The following PROM1 variants were observed in gnomAD, a reference collection of about 807,000 sequenced individuals.
PROM1 encodes prominin 1.
In PROM1, 105 loss-of-function variants were observed where a neutral mutation model predicts 116.9. The observed-to-expected ratio is 0.90, with a 90% CI of 0.77 to 1.06. The LOEUF (loss-of-function observed/expected upper bound fraction) is 1.06. Among genes scored for constraint, PROM1 ranks in the 50% least tolerant of loss-of-function variants. The pLI is 0.00. For missense variants in PROM1, 1,122 were observed against 1,045.2 expected (o/e 1.07, Z -1.01); for synonymous variants, 393 against 387.0 (o/e 1.02, Z -0.18).
At chr4:15,989,865 C>T in intron 18 of PROM1, 41 bp from the exon 19 acceptor site, 3 of 1,478,392 alleles carry the variant, frequency 2.0e-6, no homozygotes, top group Non-Finnish European at 2.8e-6. Context: ...ACCATCTTTC[C>T]AGACTCAAAG....
chr4:16,050,813 C>T (rs572067455), intron 2 of PROM1, among the ~76,000 whole-genome samples: 1 of 152,308 alleles, frequency 6.6e-6, no homozygotes, highest in East Asian at 1.9e-4. Context: ...TTTCCATGAA[C>T]GTTTTGAAAT....
intron 2 of PROM1, among the ~76,000 whole-genome samples, chr4:16,051,529 C>T (rs1475848806): frequency 6.6e-6 from 1 of 152,190 alleles, no homozygotes; most frequent in Non-Finnish European, 1.5e-5. Flanking sequence ...GCCAAGCCCT[C>T]TCTGAGCACG....
chr4:16,024,950 G>A (rs1044760222), intron 6 of PROM1, among the ~76,000 whole-genome samples: 10 of 152,116 alleles, frequency 6.6e-5, no homozygotes, highest in African/African-American at 2.2e-4. Flanking sequence ...TCTATAATAT[G>A]TACTGTAATG....
chr4:16,076,141 CAG>C (rs1425374553), intron 1 of PROM1, 23 bp from the exon 2 acceptor site: 10 of 782,150 alleles, frequency 1.3e-5, no homozygotes, highest in East Asian at 2.9e-5. Context: ...GAAACAGCAG[CAG>C]AGTCATCAAT....
chr4:16,063,185 A>G (rs1404872778), intron 2 of PROM1, among the ~76,000 whole-genome samples: 1 of 152,242 alleles, frequency 6.6e-6, no homozygotes, highest in African/African-American at 2.4e-5. Context: ...AGAACACCAT[A>G]AAGGTGCAAC....
At chr4:15,980,373 G>T in intron 24 of PROM1, 49 bp downstream of exon 24, 1 of 1,227,698 alleles carries the variant, frequency 8.1e-7, no homozygotes, top group Non-Finnish European at 1.2e-6. Context: ...TTTGAAGACA[G>T]CACCACCTAG....
chr4:15,980,682 G>A lies in PROM1; in HGVS notation c.2374-145C>T, dbSNP rs1364989255. The A allele has an allele frequency of 6.3e-6, 4 of 633,442 alleles. No homozygotes were observed. The African/African-American group carries it at 7.8e-5, about 12-fold the overall frequency. 39.2% of individuals were successfully genotyped at this position (633,442 alleles called of 1,614,324 possible). A position where few individuals can be genotyped will look rare whatever the true frequency, so the allele number is the denominator to read the frequency against. ...TTGTTCTTTAAAACAATTTGAGAATGTCATGTGGACCAGGCACTGTGTGAA... is the reference window on the plus strand; with the variant it reads ...TTGTTCTTTAAAACAATTTGAGAATATCATGTGGACCAGGCACTGTGTGAA... On this transcript the variant is annotated intron_variant, in intron 23 of 27. Coordinates refer to ENST00000447510, the MANE Select transcript of PROM1 (RefSeq NM_006017.3).
At chr4:15,971,128 G>A (rs369196488) in intron 26 of PROM1, 46 bp from the exon 27 acceptor site, 57 of 1,518,650 alleles carry the variant, frequency 3.8e-5, no homozygotes, top group East Asian at 4.9e-5. Context: ...CAACAAAGCT[G>A]TGGGTGGTTT....
chr4:15,982,764 C>A (rs1396134826), intron 23 of PROM1, among the ~76,000 whole-genome samples: 3 of 152,170 alleles, frequency 2.0e-5, no homozygotes, highest in Non-Finnish European at 4.4e-5. Context: ...TCAGCCAAAG[C>A]TGGCGGCAGG....
At chr4:16,023,173 C>G (rs542525499) in intron 8 of PROM1, among the ~76,000 whole-genome samples, 153 bp downstream of exon 8, 2 of 152,166 alleles carry the variant, frequency 1.3e-5, no homozygotes, top group African/African-American at 4.8e-5. Context: ...CAAGCTATTG[C>G]AACACAGTGT....
intron 10 of PROM1, among the ~76,000 whole-genome samples, chr4:16,014,898 C>A (rs1020363955): frequency 4.6e-5 from 7 of 152,044 alleles, no homozygotes; most frequent in Admixed American, 6.5e-5. Flanking sequence ...GCTGTCCCTG[C>A]GTTTTTGGGG....
At chr4:16,027,383 G>A in intron 5 of PROM1, among the ~76,000 whole-genome samples, 1 of 152,044 alleles carries the variant, frequency 6.6e-6, no homozygotes, top group South Asian at 2.1e-4. Context: ...AAACATGCTA[G>A]ACCATGACAA....
At chr4:16,037,377 G>A (rs1734175421) in intron 3 of PROM1, among the ~76,000 whole-genome samples, 1 of 152,182 alleles carries the variant, frequency 6.6e-6, no homozygotes, top group Non-Finnish European at 1.5e-5. Flanking sequence ...CCTGGGAACA[G>A]CTCAGTTCAT....
intron 5 of PROM1, among the ~76,000 whole-genome samples, chr4:16,031,391 G>A (rs766238222): frequency 1.5e-4 from 23 of 151,992 alleles, no homozygotes; most frequent in Middle Eastern, 3.2e-3. Context: ...CAGGTTTCAG[G>A]GCTGTAACCG....
chr4:16,010,489 T>C (rs1726642719), intron 11 of PROM1, among the ~76,000 whole-genome samples: 1 of 152,184 alleles, frequency 6.6e-6, no homozygotes, highest in African/African-American at 2.4e-5. Context: ...CGTAATCACA[T>C]AAAAATGGCA....
intron 1 of PROM1, among the ~76,000 whole-genome samples, chr4:16,077,245 T>C (rs2149593316): frequency 6.6e-6 from 1 of 152,332 alleles, no homozygotes; most frequent in East Asian, 1.9e-4. Context: ...AAAACCGCCT[T>C]AGGGCTGGAG....
At chr4:16,081,863 AAAGTTTAGAAATCAGAAGG>A (rs1450601720) in intron 1 of PROM1, among the ~76,000 whole-genome samples, 1 of 152,134 alleles carries the variant, frequency 6.6e-6, no homozygotes, top group Admixed American at 6.5e-5. Flanking sequence ...GAAGTTTAGA[AAAGTTTAGAAATCAGAAGG>A]AAGTTTAGAA....
intron 2 of PROM1, among the ~76,000 whole-genome samples, chr4:16,045,096 C>T (rs535211164): frequency 1.8e-4 from 27 of 151,272 alleles, no homozygotes; most frequent in Non-Finnish European, 8.8e-5. Flanking sequence ...TCTTCCCTGC[C>T]GGCCCTCAGC....
chr4:16,018,477 T>C lies in PROM1; in HGVS notation c.848A>G (p.Gln283Arg), dbSNP rs371887194. Residue 283 changes from glutamine (Q) to arginine (R), a missense_variant, in exon 9 of 28, where the codon CAA becomes CGA. Physicochemically the swap from Gln to Arg is conservative, Grantham distance 43 (BLOSUM62 1). Transcript: ENST00000447510. ...MNSTLKSLHQQSTQLSSSLTS... is the reference protein window; with the variant it reads ...MNSTLKSLHQRSTQLSSSLTS... ...CAGACTGCTGCTAAGCTGTGTACTT[T>C]GTTGGTGCAAGCTCTTCAAGGTGCT... The C allele has an allele frequency of 4.9e-5, 79 of 1,613,176 alleles. No homozygotes were observed. The highest frequency in any genetic ancestry group is 1.8e-4 in the Middle Eastern group (1 of 5,556).
Sources: allele counts gnomAD v4.1 joint callset (sites outside exome capture counted in the v4.1 genomes callset), GRCh38; gene constraint gnomAD v4.1.1; transcripts MANE v1.5; gene names NCBI Gene and HGNC (gene_info 2026-07-23, HGNC 2026-07-21).